LSAMP: variants seen among roughly 807,000 people sequenced by gnomAD.
The protein encoded by LSAMP is limbic system associated membrane protein.
LSAMP carries 7 observed loss-of-function variants against 38.6 expected under a neutral mutation model. The observed-to-expected ratio is 0.18, with a 90% CI of 0.10 to 0.34. The LOEUF is 0.34. Ranked by LOEUF, LSAMP falls within the 10% of genes least tolerant of loss-of-function variation. LSAMP has a pLI of 1.00. For missense variants in LSAMP, 313 were observed against 420.0 expected, an observed-to-expected ratio of 0.75 and a Z score of 2.23; for synonymous variants, 154 against 166.8, an observed-to-expected ratio of 0.92 and a Z score of 0.59.
chr3:116,054,223 G>A (rs1941448474), intron 2 of LSAMP, among the ~76,000 whole-genome samples: 1 of 152,166 alleles, frequency 6.6e-6, no homozygotes, highest in Non-Finnish European at 1.5e-5. Flanking sequence ...CTGAAGCTAT[G>A]TTTTTGTCAT....
intron 1 of LSAMP, among the ~76,000 whole-genome samples, chr3:116,294,657 G>T (rs1251797744): frequency 1.3e-5 from 2 of 152,102 alleles, no homozygotes; most frequent in Non-Finnish European, 2.9e-5. Context: ...TACAAGCTTA[G>T]ATCGCCATTT....
chr3:116,306,958 G>T (rs2047492812), intron 1 of LSAMP, among the ~76,000 whole-genome samples: 1 of 151,898 alleles, frequency 6.6e-6, no homozygotes, highest in Admixed American at 6.6e-5. Context: ...ACAACTCATT[G>T]TCAATCTAAA....
chr3:115,960,018 T>C (rs1312292604), intron 3 of LSAMP, among the ~76,000 whole-genome samples: 1 of 152,074 alleles, frequency 6.6e-6, no homozygotes, highest in Non-Finnish European at 1.5e-5. Context: ...TGCTGACTGG[T>C]GAACATCCCT....
chr3:116,110,925 C>T (rs1708596368), intron 1 of LSAMP, among the ~76,000 whole-genome samples: 1 of 149,952 alleles, frequency 6.7e-6, no homozygotes, highest in South Asian at 2.1e-4. Flanking sequence ...GGGGTGGGGC[C>T]GTTTTATAGG....
At chr3:115,842,023 G>T (rs1269815129) in intron 5 of LSAMP, 30 bp from the exon 6 acceptor site, 3 of 1,586,146 alleles carry the variant, frequency 1.9e-6, no homozygotes, top group South Asian at 1.2e-5. Flanking sequence ...AGAATAGAAA[G>T]GATCACTGGT....
At chr3:116,032,493 T>C (rs1413038511) in intron 2 of LSAMP, among the ~76,000 whole-genome samples, 2 of 152,100 alleles carry the variant, frequency 1.3e-5, no homozygotes, top group East Asian at 1.9e-4. Flanking sequence ...AAAGGAAAGC[T>C]TTGATATTTC....
At chr3:116,242,180 T>C (rs536328436) in intron 1 of LSAMP, among the ~76,000 whole-genome samples, 70 of 152,110 alleles carry the variant, frequency 4.6e-4, no homozygotes, top group Non-Finnish European at 2.4e-4. Flanking sequence ...CAAGGAAAAA[T>C]ATCCAAAAAC....
chr3:116,261,233 T>G (rs2046821449), intron 1 of LSAMP, among the ~76,000 whole-genome samples: 1 of 152,196 alleles, frequency 6.6e-6, no homozygotes, highest in Non-Finnish European at 1.5e-5. Flanking sequence ...CTAAAGTTCT[T>G]TAATCATTTT....
chr3:116,198,653 C>T (rs2045943729), intron 1 of LSAMP, among the ~76,000 whole-genome samples: 1 of 151,954 alleles, frequency 6.6e-6, no homozygotes, highest in South Asian at 2.1e-4. Flanking sequence ...CAGCTGTAGT[C>T]CCTGCTACTC....
chr3:115,888,041 A>G (rs1297344383), intron 3 of LSAMP, among the ~76,000 whole-genome samples: 2 of 151,972 alleles, frequency 1.3e-5, no homozygotes, highest in African/African-American at 4.8e-5. Context: ...TCATCTTGTC[A>G]CTGATTGAAT....
At chr3:116,378,168 C>T (rs529793094) in intron 1 of LSAMP, among the ~76,000 whole-genome samples, 2 of 152,178 alleles carry the variant, frequency 1.3e-5, no homozygotes, top group African/African-American at 4.8e-5. Flanking sequence ...TTCACAAGAG[C>T]ACCAAGGCTC....
chr3:115,861,704 A>G (rs963767565), intron 3 of LSAMP, among the ~76,000 whole-genome samples: 1 of 152,146 alleles, frequency 6.6e-6, no homozygotes, highest in Non-Finnish European at 1.5e-5. Context: ...GGGGGTACTT[A>G]TTTTGGAGTG....
At chr3:116,371,099 T>C (rs1057006908) in intron 1 of LSAMP, among the ~76,000 whole-genome samples, 2 of 152,194 alleles carry the variant, frequency 1.3e-5, no homozygotes, top group Non-Finnish European at 2.9e-5. Context: ...CAGTAACTGA[T>C]GGCTTCACTG....
chr3:116,033,647 T>C (rs1940980457), intron 2 of LSAMP, among the ~76,000 whole-genome samples: 1 of 152,160 alleles, frequency 6.6e-6, no homozygotes, highest in Non-Finnish European at 1.5e-5. Flanking sequence ...ATGATTTCTG[T>C]GGCAGCCACG....
chr3:115,887,411 G>C (rs1003742258), intron 3 of LSAMP, among the ~76,000 whole-genome samples: 1 of 151,818 alleles, frequency 6.6e-6, no homozygotes, highest in African/African-American at 2.4e-5. Context: ...ACAAAGTTCT[G>C]CATATTAAGA....
intron 3 of LSAMP, among the ~76,000 whole-genome samples, chr3:115,894,489 T>C (rs189114599): frequency 7.2e-4 from 109 of 152,146 alleles, no homozygotes; most frequent in Non-Finnish European, 1.4e-3. Context: ...GCTCTCTACC[T>C]TTATGCTAGA....
chr3:115,939,106 T>G (rs9814019), intron 3 of LSAMP, among the ~76,000 whole-genome samples: 1 of 152,106 alleles, frequency 6.6e-6, no homozygotes, highest in Non-Finnish European at 1.5e-5. Flanking sequence ...AAATGACTTG[T>G]TACCTGTCAC....
At chr3:116,157,749 G>A (rs1709788261) in intron 1 of LSAMP, among the ~76,000 whole-genome samples, 1 of 151,816 alleles carries the variant, frequency 6.6e-6, no homozygotes, top group African/African-American at 2.4e-5. Flanking sequence ...GGATCCGATG[G>A]ATTCACAGCC....
chr3:115,880,495 C>T (rs1163865149), intron 3 of LSAMP, among the ~76,000 whole-genome samples: 1 of 152,050 alleles, frequency 6.6e-6, no homozygotes, highest in Non-Finnish European at 1.5e-5. Flanking sequence ...CCAAATTTTC[C>T]TCTTGAGATG....
Sources: allele counts gnomAD v4.1 joint callset (sites outside exome capture counted in the v4.1 genomes callset), GRCh38; gene constraint gnomAD v4.1.1; transcripts MANE v1.5; gene names NCBI Gene and HGNC (gene_info 2026-07-23, HGNC 2026-07-21).